DOK6: variants seen among roughly 807,000 people sequenced by gnomAD.
The protein encoded by DOK6 is docking protein 6, also known as downstream of tyrosine kinase 6.
DOK6 carries 22 observed loss-of-function variants against 44.0 expected under a neutral mutation model. That is an observed-to-expected ratio of 0.50 (90% CI 0.36 to 0.71). The LOEUF (loss-of-function observed/expected upper bound fraction) is 0.71, where lower values mean the gene tolerates loss of function less well. Ranked by LOEUF, DOK6 falls within the 30% of genes least tolerant of loss-of-function variation. DOK6 has a pLI of 0.00. For synonymous variants in DOK6, 166 were observed against 145.5 expected, an observed-to-expected ratio of 1.14 and a Z score of -1.01; for missense variants, 340 against 416.4, an observed-to-expected ratio of 0.82 and a Z score of 1.60.
intron 1 of DOK6, among the ~76,000 whole-genome samples, chr18:69,512,332 C>CTTCTTCTTT (rs59109570): frequency 2.2e-5 from 2 of 91,684 alleles, no homozygotes; most frequent in African/African-American, 9.4e-5. Flanking sequence ...CTTTCTTCTT[C>CTTCTTCTTT]TTTTTTTTTT....
intron 7 of DOK6, among the ~76,000 whole-genome samples, chr18:69,829,293 A>T (rs1981837179): frequency 6.6e-6 from 1 of 151,942 alleles, no homozygotes; most frequent in African/African-American, 2.4e-5. Context: ...GAAGCTTAAA[A>T]CACTGGAAAC....
intron 1 of DOK6, among the ~76,000 whole-genome samples, chr18:69,425,394 T>C (rs989936811): frequency 6.6e-6 from 1 of 152,030 alleles, no homozygotes; most frequent in South Asian, 2.1e-4. Flanking sequence ...TGGTTTCTGC[T>C]CCTCCCCCTT....
At chr18:69,584,670 TAGAGA>T (rs1245539401) in intron 2 of DOK6, among the ~76,000 whole-genome samples, 1 of 152,062 alleles carries the variant, frequency 6.6e-6, no homozygotes, top group Non-Finnish European at 1.5e-5. Context: ...TGGACTATCT[TAGAGA>T]AGAGATTAAT....
rs759100117 is a variant in DOK6 at position 69,753,209 on chromosome 18, TAA to T, written c.739-4546_739-4545del. 3.7e-4 allele frequency among the ~76,000 whole-genome samples: 57 copies of T among 152,286 alleles called. 1 individual carries two copies. The highest frequency in any genetic ancestry group is 4.3e-4 in the Non-Finnish European group (29 of 68,014). On this transcript the variant is annotated intron_variant, in intron 6 of 7. Coordinates refer to ENST00000382713, the MANE Select transcript of DOK6 (RefSeq NM_152721.6). ...ATCTCAAATATTTACAAATAAAAGA[TAA>T]GTGTATTTATATATTGCCTAAATGG...
chr18:69,662,444 GA>G (rs1184011219), intron 3 of DOK6: 1 of 152,188 alleles, frequency 6.6e-6, no homozygotes, highest in Non-Finnish European at 1.5e-5. Flanking sequence ...TTTTAATAAA[GA>G]AAGCACTTTG....
In DOK6 at chr18:69,487,219, G is replaced by C. The variant is rs868415085; in HGVS notation, c.67-77268G>C. On this transcript the variant is annotated intron_variant, in intron 1 of 7. Coordinates refer to ENST00000382713, the MANE Select transcript of DOK6 (RefSeq NM_152721.6). ...TGTGTGTGTGTGTGTGTGTGTGTGT[G>C]TGTCTGTCTGTGTGTGTGTGTGTGT... Among the ~76,000 whole-genome samples, 445 of 135,462 alleles carry C rather than the reference G, an allele frequency of 3.3e-3. 1 individual carries two copies. Among genetic ancestry groups the C allele is most frequent in the East Asian group, 8.4e-3 (38 of 4,548 alleles). 88.9% of individuals were successfully genotyped at this position (135,462 alleles called of 152,430 possible).
intron 6 of DOK6, among the ~76,000 whole-genome samples, chr18:69,754,351 CAAAAA>C (rs34141961): frequency 2.5e-5 from 3 of 121,482 alleles, no homozygotes; most frequent in East Asian, 2.3e-4. Context: ...ACCCTATCTC[CAAAAA>C]AAAAAAAAAA....
intron 7 of DOK6, among the ~76,000 whole-genome samples, chr18:69,762,201 G>A (rs1979582790): frequency 6.6e-6 from 1 of 151,380 alleles, no homozygotes; most frequent in Non-Finnish European, 1.5e-5. Context: ...ATATTGCAGG[G>A]TATGATGGCA....
At chr18:69,499,903 A>G (rs1357043883) in intron 1 of DOK6, among the ~76,000 whole-genome samples, 1 of 152,178 alleles carries the variant, frequency 6.6e-6, no homozygotes, top group East Asian at 1.9e-4. Flanking sequence ...TATGCATGAG[A>G]AAGTACAGTG....
intron 4 of DOK6, among the ~76,000 whole-genome samples, chr18:69,696,762 T>A (rs920300680): frequency 2.0e-5 from 3 of 152,198 alleles, no homozygotes; most frequent in Non-Finnish European, 4.4e-5. Flanking sequence ...TTACTACTAA[T>A]CCCATTGGAG....
rs61078235 is a variant in DOK6 at position 69,700,216 on chromosome 18, C to CATATATATATATATATATATATATATAT, written c.599+1641_599+1642insATATATATATATATATATATATATATAT. On this transcript the variant is annotated intron_variant, in intron 5 of 7. Coordinates refer to ENST00000382713, the MANE Select transcript of DOK6 (RefSeq NM_152721.6). ...TATCAGTTAGTTTTACATATATATA[C>CATATATATATATATATATATATATATAT]ATATATATATATATATATGAATTGA... Among the ~76,000 whole-genome samples the CATATATATATATATATATATATATATAT allele has an allele frequency of 7.1e-3, 880 of 124,416 alleles. 29 individuals are homozygous for CATATATATATATATATATATATATATAT. Among genetic ancestry groups the CATATATATATATATATATATATATATAT allele is most frequent in the African/African-American group, 0.014 (465 of 33,274 alleles). 81.6% of individuals were successfully genotyped at this position (124,416 alleles called of 152,430 possible). A position where few individuals can be genotyped will look rare whatever the true frequency, so the allele number is the denominator to read the frequency against.
chr18:69,522,850 T>C (rs2034022), intron 1 of DOK6, among the ~76,000 whole-genome samples: 86,835 of 151,972 alleles, frequency 0.57, 25,362 homozygotes, highest in Non-Finnish European at 0.64. Flanking sequence ...AAGTATGTGA[T>C]GGAGAAAAGT....
intron 3 of DOK6, among the ~76,000 whole-genome samples, chr18:69,607,527 T>C (rs918397835): frequency 6.6e-6 from 1 of 152,080 alleles, no homozygotes; most frequent in Admixed American, 6.5e-5. Flanking sequence ...ATAAACTTCT[T>C]CCAAAACACA....
intron 1 of DOK6, 68 bp downstream of exon 1, chr18:69,401,378 G>A (rs955904265): frequency 2.5e-5 from 36 of 1,412,412 alleles, no homozygotes; most frequent in Middle Eastern, 1.9e-4. Flanking sequence ...CTGGGGGGGG[G>A]GCAGGGAGAG....
intron 1 of DOK6, among the ~76,000 whole-genome samples, chr18:69,441,902 A>C (rs1465363852): frequency 6.6e-6 from 1 of 152,164 alleles, no homozygotes; most frequent in Non-Finnish European, 1.5e-5. Flanking sequence ...TATTGAGAGA[A>C]AAGAAAAAAA....
chr18:69,785,472 G>A (rs1980402643), intron 7 of DOK6, among the ~76,000 whole-genome samples: 1 of 152,116 alleles, frequency 6.6e-6, no homozygotes, highest in Admixed American at 6.6e-5. Flanking sequence ...CAAGGCCATG[G>A]TGGTTTAACA....
intron 3 of DOK6, among the ~76,000 whole-genome samples, chr18:69,666,333 C>G (rs1490804797): frequency 1.3e-5 from 2 of 152,208 alleles, no homozygotes; most frequent in Non-Finnish European, 2.9e-5. Flanking sequence ...GGATCAGCCT[C>G]TATCCAACGC....
chr18:69,733,976 C>T (rs1978509202), intron 5 of DOK6, among the ~76,000 whole-genome samples: 1 of 152,028 alleles, frequency 6.6e-6, no homozygotes, highest in Non-Finnish European at 1.5e-5. Context: ...GATATTTTCA[C>T]CGGCAAATTC....
At chr18:69,406,655 T>G (rs546477019) in intron 1 of DOK6, among the ~76,000 whole-genome samples, 1 of 152,344 alleles carries the variant, frequency 6.6e-6, no homozygotes, top group African/African-American at 2.4e-5. Flanking sequence ...AATTAATAGA[T>G]AGTGAGCAGG....
Sources: allele counts gnomAD v4.1 joint callset (sites outside exome capture counted in the v4.1 genomes callset), GRCh38; gene constraint gnomAD v4.1.1; transcripts MANE v1.5; gene names NCBI Gene and HGNC (gene_info 2026-07-23, HGNC 2026-07-21).